The following UPRT variants were observed in gnomAD, a reference collection of about 807,000 sequenced individuals.
UPRT encodes the protein uracil phosphoribosyltransferase homolog, also known as RP11-311P8.3.
UPRT carries 5 observed loss-of-function variants against 22.6 expected under a neutral mutation model. That is an observed-to-expected ratio of 0.22 (90% CI 0.12 to 0.47). The LOEUF is 0.47. UPRT is among the 20% of genes least tolerant of loss of function. The probability of loss-of-function intolerance (pLI) is 0.99; values close to 1 mark genes in which losing one functional copy is unlikely to be tolerated. For missense variants in UPRT, 181 were observed against 239.9 expected, an observed-to-expected ratio of 0.75 and a Z score of 1.62; for synonymous variants, 77 against 87.7, an observed-to-expected ratio of 0.88 and a Z score of 0.68.
At chrX:75,193,423 A>AATCTG (rs770520313) in intron 4 of UPRT, among the ~76,000 whole-genome samples, 45 of 111,304 alleles carry the variant, frequency 4.0e-4, no homozygotes, top group African/African-American at 1.5e-3. Flanking sequence ...AGCCTTTGAG[A>AATCTG]ATCTGACGAC....
At chrX:75,221,475 T>C (rs2082410471) in intron 4 of UPRT, among the ~76,000 whole-genome samples, 1 of 111,421 alleles carries the variant, frequency 9.0e-6, no homozygotes, top group South Asian at 3.8e-4. Context: ...CCTTTGAGGC[T>C]ATTTTCTAGA....
intron 4 of UPRT, among the ~76,000 whole-genome samples, chrX:75,189,862 C>T (rs755408134): frequency 9.0e-6 from 1 of 111,703 alleles, no homozygotes; most frequent in Admixed American, 9.5e-5. Flanking sequence ...TATTTTGAGC[C>T]TATGTGTGTC....
At chrX:75,286,257 T>A (rs187857799) in intron 1 of UPRT, among the ~76,000 whole-genome samples, 4 of 100,669 alleles carry the variant, frequency 4.0e-5, no homozygotes, top group African/African-American at 1.5e-4. Context: ...ATTTTTTATG[T>A]TAAGTATGTC....
chrX:75,227,111 CT>C (rs1254930479), intron 4 of UPRT, among the ~76,000 whole-genome samples: 1 of 111,184 alleles, frequency 9.0e-6, no homozygotes, highest in East Asian at 2.8e-4. Context: ...CCAGTCAAGT[CT>C]TTAGGTATTT....
chrX:75,158,544 G>C (rs781695058), intron 1 of UPRT, among the ~76,000 whole-genome samples: 2 of 111,626 alleles, frequency 1.8e-5, no homozygotes, highest in Non-Finnish European at 3.8e-5. Context: ...GACTAGGTCA[G>C]AGGCCACAGA....
intron 4 of UPRT, among the ~76,000 whole-genome samples, chrX:75,185,857 T>C (rs1386775450): frequency 4.5e-5 from 5 of 111,662 alleles, no homozygotes. Context: ...TCTGTGGGAT[T>C]GGTGGTGATA....
At chrX:75,279,785 C>T (rs1308624482) in intron 1 of UPRT, among the ~76,000 whole-genome samples, 1 of 110,369 alleles carries the variant, frequency 9.1e-6, no homozygotes, top group African/African-American at 3.3e-5. Flanking sequence ...AGTCTTTTAT[C>T]CCTTGACCCC....
At chrX:75,284,049 A>G (rs745510610) in intron 1 of UPRT, among the ~76,000 whole-genome samples, 12 of 111,472 alleles carry the variant, frequency 1.1e-4, no homozygotes, top group African/African-American at 3.9e-4. Flanking sequence ...CTTGTCTTCA[A>G]GCTGTCAATT....
chrX:75,216,031 T>G (rs2082391878), intron 4 of UPRT, among the ~76,000 whole-genome samples: 1 of 111,199 alleles, frequency 9.0e-6, no homozygotes, highest in South Asian at 3.7e-4. Context: ...AAAGCCAGCA[T>G]TACCCTAATA....
chrX:75,260,606 G>GT (rs1228183338), intron 4 of UPRT, among the ~76,000 whole-genome samples: 1 of 111,828 alleles, frequency 8.9e-6, no homozygotes, highest in Non-Finnish European at 1.9e-5. Flanking sequence ...CATAAAGCAA[G>GT]TCCTTAGAGA....
At chrX:75,213,749 A>C (rs1200920582) in intron 4 of UPRT, among the ~76,000 whole-genome samples, 1 of 112,047 alleles carries the variant, frequency 8.9e-6, no homozygotes, top group Middle Eastern at 4.2e-3. Context: ...TTTACTACAT[A>C]ATGATGAGGG....
intron 4 of UPRT, among the ~76,000 whole-genome samples, chrX:75,264,895 G>T (rs984542909): frequency 2.7e-5 from 3 of 111,665 alleles, no homozygotes; most frequent in African/African-American, 9.8e-5. Context: ...AAATCTCTCG[G>T]CATTTGCCTG....
intron 1 of UPRT, among the ~76,000 whole-genome samples, chrX:75,277,785 A>G (rs1344423562): frequency 8.9e-6 from 1 of 111,900 alleles, no homozygotes; most frequent in African/African-American, 3.2e-5. Context: ...TTGTTTTGAT[A>G]TAGTATGGAA....
chrX:75,174,545 T>A (rs759051744), intron 4 of UPRT, among the ~76,000 whole-genome samples: 6 of 111,798 alleles, frequency 5.4e-5, no homozygotes, highest in African/African-American at 1.9e-4. Context: ...TGAAAGGCGT[T>A]GTCTGATTTC....
chrX:75,253,664 G>A (rs746115628), intron 4 of UPRT, among the ~76,000 whole-genome samples: 8 of 112,161 alleles, frequency 7.1e-5, no homozygotes, highest in African/African-American at 2.6e-4. Flanking sequence ...AATAAATCAG[G>A]TAACCTAAGA....
intron 4 of UPRT, among the ~76,000 whole-genome samples, chrX:75,243,021 T>A (rs1473514157): frequency 1.8e-5 from 2 of 111,636 alleles, no homozygotes; most frequent in African/African-American, 6.5e-5. Flanking sequence ...TTTATAGTCA[T>A]CTTAATTATT....
chrX:75,253,399 G>T (rs192198094), intron 4 of UPRT, among the ~76,000 whole-genome samples: 26 of 112,183 alleles, frequency 2.3e-4, no homozygotes, highest in Non-Finnish European at 3.8e-5. Flanking sequence ...TTAATAAAAA[G>T]TCAAAAAATA....
chrX:75,294,021 G>A (rs2082717360), intron 2 of UPRT, among the ~76,000 whole-genome samples: 1 of 110,731 alleles, frequency 9.0e-6, no homozygotes, highest in Non-Finnish European at 1.9e-5. Context: ...TTCCTATTAA[G>A]AATTGACCAA....
intron 1 of UPRT, among the ~76,000 whole-genome samples, chrX:75,291,868 A>G (rs1275805038): frequency 9.0e-6 from 1 of 111,141 alleles, no homozygotes; most frequent in Non-Finnish European, 1.9e-5. Context: ...CTTTTTTGGA[A>G]TATAGAGAAA....
Sources: allele counts gnomAD v4.1 joint callset (sites outside exome capture counted in the v4.1 genomes callset), GRCh38; gene constraint gnomAD v4.1.1; transcripts MANE v1.5; gene names NCBI Gene and HGNC (gene_info 2026-07-23, HGNC 2026-07-21).